The following GRM7 variants were observed in gnomAD, a reference collection of about 807,000 sequenced individuals.
GRM7 encodes glutamate metabotropic receptor 7.
Under a neutral mutation model 84.5 loss-of-function variants are expected in GRM7, and 35 were observed. The ratio of observed to expected loss-of-function variants is 0.41; its 90% confidence interval spans 0.32 to 0.55. The LOEUF (loss-of-function observed/expected upper bound fraction) is 0.55, where lower values mean the gene tolerates loss of function less well. Ranked by LOEUF, GRM7 falls within the 20% of genes least tolerant of loss-of-function variation. The pLI, the probability that GRM7 is intolerant of heterozygous loss-of-function variation, is 0.19. For synonymous variants in GRM7, 487 were observed against 455.1 expected (o/e 1.07, Z -0.89); for missense variants, 1,003 against 1,194.6 (o/e 0.84, Z 2.36).
At chr3:7,047,130 C>T (rs557158791) in intron 1 of GRM7, among the ~76,000 whole-genome samples, 2 of 151,834 alleles carry the variant, frequency 1.3e-5, no homozygotes, top group African/African-American at 2.4e-5. Context: ...TGCCCCACTA[C>T]CTGTTTTTTT....
At chr3:7,007,020 A>G (rs1287432276) in intron 1 of GRM7, among the ~76,000 whole-genome samples, 1 of 152,238 alleles carries the variant, frequency 6.6e-6, no homozygotes, top group Admixed American at 6.5e-5. Flanking sequence ...ACAGCTTCCT[A>G]GAGCTAATTT....
At chr3:7,707,743 C>A (rs1194589653) in intron 9 of GRM7, among the ~76,000 whole-genome samples, 2 of 152,178 alleles carry the variant, frequency 1.3e-5, no homozygotes, top group African/African-American at 2.4e-5. Flanking sequence ...GCTGTCTCTG[C>A]CACAAAAATT....
chr3:6,978,014 T>C (rs1400029393), intron 1 of GRM7, among the ~76,000 whole-genome samples: 1 of 152,156 alleles, frequency 6.6e-6, no homozygotes, highest in East Asian at 1.9e-4. Flanking sequence ...TCTATGTTCA[T>C]GTCCTAACCA....
intron 1 of GRM7, among the ~76,000 whole-genome samples, chr3:6,923,119 A>G (rs947851715): frequency 2.0e-5 from 3 of 151,978 alleles, no homozygotes; most frequent in Non-Finnish European, 4.4e-5. Context: ...GACTCAAGCG[A>G]TTCTCCCACC....
intron 2 of GRM7, among the ~76,000 whole-genome samples, chr3:7,287,633 G>C (rs1376684778): frequency 1.3e-5 from 2 of 152,106 alleles, no homozygotes; most frequent in African/African-American, 4.8e-5. Context: ...AAAATGATGA[G>C]AGTGACACAT....
At chr3:7,447,301 C>T (rs1697559285) in intron 5 of GRM7, among the ~76,000 whole-genome samples, 1 of 152,056 alleles carries the variant, frequency 6.6e-6, no homozygotes, top group Non-Finnish European at 1.5e-5. Flanking sequence ...TTTCTTTGGT[C>T]CACTTCAAGC....
chr3:6,995,119 C>G (rs1694785748), intron 1 of GRM7, among the ~76,000 whole-genome samples: 1 of 152,202 alleles, frequency 6.6e-6, no homozygotes, highest in Admixed American at 6.5e-5. Context: ...TTATTCATCC[C>G]TGATCCCTAA....
intron 8 of GRM7, among the ~76,000 whole-genome samples, chr3:7,650,309 C>T (rs904702329): frequency 2.6e-5 from 4 of 152,180 alleles, no homozygotes; most frequent in Non-Finnish European, 4.4e-5. Flanking sequence ...TCCTCTGAGC[C>T]TCCCTTTCTG....
At chr3:6,915,526 A>G (rs780971279) in intron 1 of GRM7, among the ~76,000 whole-genome samples, 38 of 152,238 alleles carry the variant, frequency 2.5e-4, no homozygotes, top group Non-Finnish European at 4.7e-4. Flanking sequence ...TCATACTGTC[A>G]TCAAATTTCT....
intron 8 of GRM7, among the ~76,000 whole-genome samples, chr3:7,618,859 G>C (rs1697234278): frequency 6.6e-6 from 1 of 152,108 alleles, no homozygotes; most frequent in African/African-American, 2.4e-5. Flanking sequence ...CTTAGGCATT[G>C]ACCTGCATGT....
intron 1 of GRM7, among the ~76,000 whole-genome samples, chr3:7,101,613 A>T (rs949035877): frequency 3.3e-5 from 5 of 151,070 alleles, no homozygotes; most frequent in Admixed American, 6.6e-5. Context: ...ATTCTATTTG[A>T]CTTTTAAAAA....
rs939443490 is a variant in GRM7 at position 7,188,252 on chromosome 3, C to G, written c.736+41584C>G. On this transcript the variant is annotated intron_variant, in intron 2 of 9. Coordinates refer to ENST00000357716, the MANE Select transcript of GRM7 (RefSeq NM_000844.4). The surrounding 1 kb of genome is among the most constrained non-coding windows in gnomAD (Gnocchi z 4.2). Reference sequence around the variant, plus strand: ...CAGCATTATCAGCCTGCAGAAGAGCCAAAACTCCAGGCAGAGAACTTTATA... The same window carrying G: ...CAGCATTATCAGCCTGCAGAAGAGCGAAAACTCCAGGCAGAGAACTTTATA... 6.6e-6 allele frequency among the ~76,000 whole-genome samples: 1 copy of G among 151,900 alleles called. No homozygotes were observed. The highest frequency in any genetic ancestry group is 1.5e-5 in the Non-Finnish European group (1 of 67,970).
chr3:7,128,367 C>T (rs190094092), intron 1 of GRM7, among the ~76,000 whole-genome samples: 2 of 151,768 alleles, frequency 1.3e-5, no homozygotes, highest in African/African-American at 2.4e-5. Context: ...ACCTAATACC[C>T]TTAATTCATT....
At chr3:7,229,724 CACATATATATATAT>C (rs1319415248) in intron 2 of GRM7, among the ~76,000 whole-genome samples, 2 of 25,998 alleles carry the variant, frequency 7.7e-5, no homozygotes, top group African/African-American at 3.0e-4. Context: ...CATAGACACA[CACATATATATATAT>C]ATATATATAT....
intron 2 of GRM7, among the ~76,000 whole-genome samples, chr3:7,296,875 G>A (rs557468133): frequency 6.0e-5 from 9 of 150,212 alleles, no homozygotes; most frequent in Admixed American, 1.3e-4. Flanking sequence ...TCTCCAACTC[G>A]TGGGCTTAAG....
At chr3:7,642,092 G>T (rs1450038521) in intron 8 of GRM7, among the ~76,000 whole-genome samples, 1 of 152,104 alleles carries the variant, frequency 6.6e-6, no homozygotes, top group Non-Finnish European at 1.5e-5. Context: ...CTAGTGAACT[G>T]TTAACAAGGA....
intron 8 of GRM7, among the ~76,000 whole-genome samples, chr3:7,649,033 G>C (rs1698801349): frequency 6.6e-6 from 1 of 151,994 alleles, no homozygotes; most frequent in African/African-American, 2.4e-5. Context: ...CCAAGTTCAT[G>C]CCGCAGGGAA....
intron 4 of GRM7, among the ~76,000 whole-genome samples, chr3:7,381,259 C>T (rs1163782885): frequency 6.6e-6 from 1 of 152,000 alleles, no homozygotes; most frequent in Non-Finnish European, 1.5e-5. Flanking sequence ...TGAAGGCATG[C>T]AAATCTGGAC....
chr3:7,482,924 G>C (rs1414605772), intron 7 of GRM7, among the ~76,000 whole-genome samples: 1 of 152,126 alleles, frequency 6.6e-6, no homozygotes, highest in Non-Finnish European at 1.5e-5. Flanking sequence ...CTTGGGGAGA[G>C]AAAAGAAAGA....
Sources: allele counts gnomAD v4.1 joint callset (sites outside exome capture counted in the v4.1 genomes callset), GRCh38; gene constraint gnomAD v4.1.1; non-coding constraint Gnocchi (gnomAD v3.1); transcripts MANE v1.5; gene names NCBI Gene and HGNC (gene_info 2026-07-23, HGNC 2026-07-21).